The following MGLL variants were observed in gnomAD, a reference collection of about 807,000 sequenced individuals.
MGLL encodes monoglyceride lipase.
MGLL carries 7 observed loss-of-function variants against 29.1 expected under a neutral mutation model. The observed-to-expected ratio is 0.24, with a 90% confidence interval of 0.14 to 0.45. The LOEUF (loss-of-function observed/expected upper bound fraction) is 0.45, where lower values mean the gene tolerates loss of function less well. MGLL is among the 20% of genes least tolerant of loss of function. MGLL has a pLI of 0.99. For missense variants in MGLL, 356 were observed against 413.6 expected (o/e 0.86, Z 1.21); for synonymous variants, 148 against 168.3 (o/e 0.88, Z 0.93).
chr3:127,790,550 T>A (rs1202447660), intron 2 of MGLL, among the ~76,000 whole-genome samples: 2 of 152,164 alleles, frequency 1.3e-5, no homozygotes, highest in African/African-American at 4.8e-5. Context: ...GGGGATAGAT[T>A]GGACAATCCT....
Position 127,769,612 on chromosome 3 carries a change from G to A in MGLL, c.262+12177C>T, listed in dbSNP as rs904993693. Among the ~76,000 whole-genome samples the A allele has an allele frequency of 3.3e-5, 5 of 152,336 alleles. No individual in the cohort carries two copies. In the South Asian group the frequency reaches 1.0e-3, roughly 32 times the overall value. ...CTGAGGTCTTCTCCAGGTCCAGGGA[G>A]TACTGGACCCTGAGCTGCCAGCCCG... On this transcript the variant is annotated intron_variant, in intron 3 of 7. Coordinates refer to ENST00000265052, the MANE Select transcript of MGLL (RefSeq NM_007283.7).
At position 127,735,977 on chromosome 3, in the gene MGLL, C is replaced by A. The variant is rs567897362; in HGVS notation, c.263-13411G>T. 21 of 1,434,230 alleles carry A rather than the reference C, an allele frequency of 1.5e-5. No individual in the cohort carries two copies. In the African/African-American group the frequency reaches 2.9e-4, roughly 20 times the overall value. The allele number at this position is 1,434,230 out of a possible 1,614,324, so 88.8% of individuals were successfully genotyped here. A position where few individuals can be genotyped will look rare whatever the true frequency, so the allele number is the denominator to read the frequency against. ...GTGCAAGCGTTAAACCATCTTTCGG[C>A]TCAGTTCCTTCACGCTAAAAGCTCC... is the stretch of plus-strand genomic sequence containing the variant. On this transcript the variant is annotated intron_variant, in intron 3 of 7. Coordinates refer to ENST00000265052, the MANE Select transcript of MGLL (RefSeq NM_007283.7).
intron 2 of MGLL, among the ~76,000 whole-genome samples, chr3:127,789,114 G>T (rs376760925): frequency 6.6e-6 from 1 of 152,150 alleles, no homozygotes; most frequent in Non-Finnish European, 1.5e-5. Flanking sequence ...CAAAAGGGGT[G>T]GGGGGATGTG....
chr3:127,694,282 A>AT lies in MGLL; in HGVS notation c.816+692_816+693insA, dbSNP rs1553752279. ...GATACTCTGTCTGAAAAAAAAAAAA[A>AT]AAAAATATATATATATATATATATA... On this transcript the variant is annotated intron_variant, in intron 7 of 7. Transcript: ENST00000265052. Among the ~76,000 whole-genome samples, 114 of 114,884 alleles carry AT rather than the reference A, an allele frequency of 9.9e-4. 1 individual carries two copies. The highest frequency in any genetic ancestry group is 3.4e-3 in the African/African-American group (107 of 31,628). The allele number at this position is 114,884 out of a possible 152,430, so 75.4% of individuals were successfully genotyped here.
chr3:127,736,637 C>T (rs2076247212), intron 3 of MGLL, among the ~76,000 whole-genome samples: 1 of 152,206 alleles, frequency 6.6e-6, no homozygotes, highest in Non-Finnish European at 1.5e-5. Context: ...TGCGGTATGC[C>T]TGGCCCCATG....
chr3:127,725,240 C>T (rs1215231075), intron 3 of MGLL, among the ~76,000 whole-genome samples: 2 of 152,180 alleles, frequency 1.3e-5, no homozygotes, highest in East Asian at 3.9e-4. Flanking sequence ...GGCTCTCCTC[C>T]TTCTCATCTG....
intron 3 of MGLL, among the ~76,000 whole-genome samples, chr3:127,757,192 A>G (rs932207295): frequency 5.3e-5 from 8 of 152,132 alleles, no homozygotes; most frequent in Non-Finnish European, 1.2e-4. Context: ...ATGTGGAGAG[A>G]GCCGAACCCA....
chr3:127,694,305 A>C, intron 7 of MGLL, among the ~76,000 whole-genome samples: 1 of 125,728 alleles, frequency 8.0e-6, no homozygotes, highest in Non-Finnish European at 1.7e-5. Flanking sequence ...ATATATATAT[A>C]TATGTATGTG....
At chr3:127,802,837 G>A (rs2077500367) in intron 2 of MGLL, among the ~76,000 whole-genome samples, 1 of 152,206 alleles carries the variant, frequency 6.6e-6, no homozygotes, top group Non-Finnish European at 1.5e-5. Context: ...GAAGGCACAT[G>A]GTGTGACTTT....
chr3:127,749,684 A>T (rs2076519975), intron 3 of MGLL, among the ~76,000 whole-genome samples: 1 of 152,196 alleles, frequency 6.6e-6, no homozygotes, highest in East Asian at 1.9e-4. Context: ...TGACAAGATC[A>T]GTACAGATCT....
At chr3:127,699,044 C>CT (rs966214602) in intron 6 of MGLL, among the ~76,000 whole-genome samples, 3 of 152,218 alleles carry the variant, frequency 2.0e-5, no homozygotes, top group African/African-American at 7.2e-5. Flanking sequence ...GAGTTGAAGT[C>CT]TTTTTTTCCC....
chr3:127,786,842 G>C (rs1485726571), intron 2 of MGLL, among the ~76,000 whole-genome samples: 1 of 152,188 alleles, frequency 6.6e-6, no homozygotes, highest in Non-Finnish European at 1.5e-5. Context: ...CCCCATCGCT[G>C]TCCACTAGGA....
At chr3:127,772,479 T>G (rs1576266688) in intron 3 of MGLL, among the ~76,000 whole-genome samples, 1 of 152,298 alleles carries the variant, frequency 6.6e-6, no homozygotes, top group Middle Eastern at 3.4e-3. Flanking sequence ...CAATGGCTGG[T>G]GGAAGGAAGG....
intron 3 of MGLL, among the ~76,000 whole-genome samples, chr3:127,736,894 C>T (rs533845713): frequency 6.6e-6 from 1 of 152,240 alleles, no homozygotes; most frequent in African/African-American, 2.4e-5. Flanking sequence ...AGGGTTTCAC[C>T]TTGTTGGCCA....
chr3:127,708,483 G>C (rs991239025), intron 6 of MGLL, among the ~76,000 whole-genome samples: 20 of 152,332 alleles, frequency 1.3e-4, no homozygotes, highest in African/African-American at 4.6e-4. Context: ...GAGTAAGACC[G>C]AAGAATTTCT....
intron 2 of MGLL, among the ~76,000 whole-genome samples, chr3:127,803,326 T>A (rs2077511279): frequency 6.6e-6 from 1 of 152,090 alleles, no homozygotes; most frequent in African/African-American, 2.4e-5. Flanking sequence ...CTTTGTTTGC[T>A]CTTGTTCTGG....
Position 127,822,342 on chromosome 3 carries a change from C to T in MGLL, c.-24G>A, listed in dbSNP as rs770567678. On this transcript the variant is annotated 5_prime_UTR_variant, in exon 1 of 8. The change creates a new upstream start codon in the 5' untranslated region. Coordinates refer to ENST00000265052, the MANE Select transcript of MGLL (RefSeq NM_007283.7). ...ATTATGTGCTGGCGTTTGCATTCCA[C>T]AACCACGACAGCCTGGAGAATCAGA... The T allele has an allele frequency of 2.5e-6, 4 of 1,613,640 alleles. No individual in the cohort carries two copies. The East Asian group carries it at 8.9e-5, about 36-fold the overall frequency.
At chr3:127,773,711 A>G (rs1334478300) in intron 3 of MGLL, among the ~76,000 whole-genome samples, 1 of 152,114 alleles carries the variant, frequency 6.6e-6, no homozygotes, top group Non-Finnish European at 1.5e-5. Context: ...TGCAGACTAG[A>G]CTCAGCCTTC....
intron 6 of MGLL, among the ~76,000 whole-genome samples, chr3:127,710,020 C>T (rs2075679913): frequency 6.6e-6 from 1 of 152,186 alleles, no homozygotes; most frequent in South Asian, 2.1e-4. Context: ...ACAAATAATC[C>T]AGGCCTGGAT....
Sources: allele counts gnomAD v4.1 joint callset (sites outside exome capture counted in the v4.1 genomes callset), GRCh38; gene constraint gnomAD v4.1.1; transcripts MANE v1.5; gene names NCBI Gene and HGNC (gene_info 2026-07-23, HGNC 2026-07-21).